The following CDH23 variants were observed in gnomAD, a reference collection of about 807,000 sequenced individuals.
CDH23 encodes the protein cadherin-23.
A neutral mutation model predicts 317.1 loss-of-function variants in CDH23; 189 were observed. The ratio of observed to expected loss-of-function variants is 0.60; its 90% confidence interval spans 0.53 to 0.67. The LOEUF (loss-of-function observed/expected upper bound fraction) is 0.67. CDH23 is among the 30% of genes least tolerant of loss of function. The probability of loss-of-function intolerance (pLI) is 0.00; values close to 1 mark genes in which losing one functional copy is unlikely to be tolerated. For synonymous variants in CDH23, 1,839 were observed against 1,876.8 expected, an observed-to-expected ratio of 0.98 and a Z score of 0.52; for missense variants, 4,401 against 4,592.4, an observed-to-expected ratio of 0.96 and a Z score of 1.20.
intron 1 of CDH23, among the ~76,000 whole-genome samples, chr10:71,436,826 G>A: frequency 6.6e-6 from 1 of 152,202 alleles, no homozygotes; most frequent in East Asian, 1.9e-4. Flanking sequence ...GGTTTGGAAT[G>A]GCAGAGGGCT....
At chr10:71,791,073 T>A in intron 46 of CDH23, 59 bp from the exon 47 acceptor site, 1 of 1,403,522 alleles carries the variant, frequency 7.1e-7, no homozygotes, top group Non-Finnish European at 9.8e-7. Flanking sequence ...GTTCTTGCCC[T>A]GTCTTCCCAC....
chr10:71,428,090 C>T (rs1409190410), intron 1 of CDH23, among the ~76,000 whole-genome samples: 2 of 151,534 alleles, frequency 1.3e-5, no homozygotes, highest in African/African-American at 2.4e-5. Context: ...CAGAAATGCA[C>T]AGGAATTCCA....
intron 6 of CDH23, among the ~76,000 whole-genome samples, chr10:71,544,305 C>T (rs144163495): frequency 1.6e-3 from 240 of 152,178 alleles, no homozygotes; most frequent in African/African-American, 5.2e-3. Context: ...AGAGAGTGGG[C>T]GGAAAACAAC....
chr10:71,502,630 G>A (rs1259920962), intron 3 of CDH23, among the ~76,000 whole-genome samples: 3 of 152,196 alleles, frequency 2.0e-5, no homozygotes, highest in Admixed American at 6.5e-5. Context: ...CTGGCAGGCC[G>A]GGCCCAGGGG....
intron 26 of CDH23, among the ~76,000 whole-genome samples, chr10:71,708,554 T>A (rs1304320268): frequency 6.6e-6 from 1 of 152,174 alleles, no homozygotes; most frequent in Non-Finnish European, 1.5e-5. Context: ...CCTGTACACC[T>A]GCCTTGACTC....
At chr10:71,691,259 C>T (rs1865174210) in intron 20 of CDH23, among the ~76,000 whole-genome samples, 1 of 152,362 alleles carries the variant, frequency 6.6e-6, no homozygotes, top group South Asian at 2.1e-4. Context: ...GCAAGAGATC[C>T]AGGCTTTCAG....
At position 71,687,524 on chromosome 10, in the gene CDH23, G is replaced by A. The variant is rs1227087; in HGVS notation, c.1987-123G>A. ...ACACCTCACCTGGCTCTGGTTATAC[G>A]GAGAGGCCAAAGCTCTTTAGGGCCA... On this transcript the variant is annotated intron_variant, in intron 18 of 69. Transcript: ENST00000224721. 0.28 allele frequency: 228,838 copies of A among 808,716 alleles called. 33,780 individuals carry two copies. Among genetic ancestry groups the A allele is most frequent in the South Asian group, 0.37 (25,742 of 69,612 alleles). 50.1% of individuals were successfully genotyped at this position (808,716 alleles called of 1,614,324 possible).
chr10:71,690,635 T>A, intron 20 of CDH23, 51 bp downstream of exon 20: 2 of 1,337,492 alleles, frequency 1.5e-6, no homozygotes, highest in South Asian at 1.3e-5. Context: ...TGAGGCTGAC[T>A]GTCCATACCC....
chr10:71,411,027 A>C (rs187772868), intron 1 of CDH23, among the ~76,000 whole-genome samples: 71 of 152,354 alleles, frequency 4.7e-4, no homozygotes, highest in African/African-American at 1.7e-3. Context: ...TTTAGAGCTT[A>C]ATTACTATAG....
At chr10:71,712,966 G>A in intron 28 of CDH23, 153 bp downstream of exon 28, 3 of 930,310 alleles carry the variant, frequency 3.2e-6, no homozygotes, top group Non-Finnish European at 5.1e-6. Flanking sequence ...GGGGAAAGGG[G>A]GACCCAGGCC....
chr10:71,606,681 G>A (rs930839127), intron 9 of CDH23, among the ~76,000 whole-genome samples: 1 of 152,322 alleles, frequency 6.6e-6, no homozygotes, highest in Admixed American at 6.5e-5. Flanking sequence ...ATGGAAGAGA[G>A]GTTCAGAAAG....
intron 1 of CDH23, among the ~76,000 whole-genome samples, chr10:71,416,715 G>C (rs767527303): frequency 3.3e-5 from 5 of 152,038 alleles, no homozygotes; most frequent in Non-Finnish European, 5.9e-5. Flanking sequence ...ACCCAGGCTA[G>C]AGTGTGCAGT....
At position 71,778,383 on chromosome 10, in the gene CDH23, G is replaced by A; in HGVS notation, c.5187+75G>A. 7.6e-6 allele frequency: 12 copies of A among 1,576,764 alleles called. No individual in the cohort carries two copies. In the South Asian group the frequency reaches 1.4e-4, roughly 18 times the overall value. On this transcript the variant is annotated intron_variant, in intron 40 of 69. Coordinates refer to ENST00000224721, the MANE Select transcript of CDH23 (RefSeq NM_022124.6). ...ATGGGACCCAGAAAGCTCCGATGCG[G>A]GAAGGGGTTAGGGGAAGATTGTCTG...
chr10:71,561,161 T>G (rs1316605912), intron 6 of CDH23, among the ~76,000 whole-genome samples: 1 of 152,086 alleles, frequency 6.6e-6, no homozygotes, highest in Non-Finnish European at 1.5e-5. Flanking sequence ...TTAGTTCCTT[T>G]CTCCCCAAGT....
chr10:71,479,594 A>T (rs1851968308), intron 3 of CDH23, among the ~76,000 whole-genome samples: 1 of 152,150 alleles, frequency 6.6e-6, no homozygotes, highest in Non-Finnish European at 1.5e-5. Flanking sequence ...TTGGGTTTTT[A>T]TACTTTTGAT....
chr10:71,497,229 A>C lies in CDH23; in HGVS notation c.146-12853A>C, dbSNP rs141243782. 7.9e-5 allele frequency among the ~76,000 whole-genome samples: 12 copies of C among 152,304 alleles called. No individual in the cohort carries two copies. The East Asian group carries it at 2.3e-3, about 29-fold the overall frequency. On this transcript the variant is annotated intron_variant, in intron 3 of 69. Transcript: ENST00000224721. ...TTATTTTAATGATAATGTCAAGTTC[A>C]ATTTGCCGTCATTTTTCAACATTTC...
intron 11 of CDH23, among the ~76,000 whole-genome samples, chr10:71,634,647 G>A (rs1195247348): frequency 6.6e-6 from 1 of 152,242 alleles, no homozygotes; most frequent in Admixed American, 6.5e-5. Context: ...AGAGGACATG[G>A]CCTGGCTTCC....
chr10:71,760,887 G>C (rs1247812802), intron 38 of CDH23: 2 of 1,613,814 alleles, frequency 1.2e-6, no homozygotes, highest in Non-Finnish European at 1.7e-6. Context: ...CCTGGGAGGA[G>C]GATGGGTACA....
chr10:71,643,562 C>CG (rs1374865169), intron 11 of CDH23, among the ~76,000 whole-genome samples: 3 of 151,746 alleles, frequency 2.0e-5, no homozygotes, highest in Admixed American at 6.6e-5. Flanking sequence ...AGCCCTTGCC[C>CG]CCCCCTCACC....
Sources: allele counts gnomAD v4.1 joint callset (sites outside exome capture counted in the v4.1 genomes callset), GRCh38; gene constraint gnomAD v4.1.1; transcripts MANE v1.5; gene names NCBI Gene and HGNC (gene_info 2026-07-23, HGNC 2026-07-21).